RBFOX1: variants seen among roughly 807,000 people sequenced by gnomAD.
The protein encoded by RBFOX1 is RNA binding fox-1 homolog 1, also known as RNA binding protein fox-1 homolog 1.
RBFOX1 carries 8 observed loss-of-function variants against 57.7 expected under a neutral mutation model. The ratio of observed to expected loss-of-function variants is 0.14; its 90% confidence interval spans 0.08 to 0.25. The LOEUF is 0.25. RBFOX1 is among the 10% of genes least tolerant of loss of function. RBFOX1 has a pLI of 1.00. For synonymous variants in RBFOX1, 326 were observed against 222.4 expected (o/e 1.47, Z -4.15); for missense variants, 611 against 548.5 (o/e 1.11, Z -1.14).
chr16:5,746,991 T>A (rs1044956891), intron 3 of RBFOX1, among the ~76,000 whole-genome samples: 2 of 152,132 alleles, frequency 1.3e-5, no homozygotes, highest in Non-Finnish European at 2.9e-5. Flanking sequence ...ATAGGAGTGG[T>A]GAGAGAGGGC....
At chr16:6,271,859 C>G (rs1405555408) in intron 1 of RBFOX1, among the ~76,000 whole-genome samples, 1 of 152,108 alleles carries the variant, frequency 6.6e-6, no homozygotes, top group Non-Finnish European at 1.5e-5. Flanking sequence ...TTAGAGAATT[C>G]TACCAGATTT....
intron 4 of RBFOX1, among the ~76,000 whole-genome samples, chr16:7,435,459 CCT>C (rs2098714227): frequency 6.6e-6 from 1 of 152,102 alleles, no homozygotes; most frequent in Admixed American, 6.5e-5. Flanking sequence ...TCTCATTTTT[CCT>C]CTCTTTGCAT....
At chr16:7,044,700 AG>A (rs2047308593) in intron 3 of RBFOX1, among the ~76,000 whole-genome samples, 1 of 147,096 alleles carries the variant, frequency 6.8e-6, no homozygotes, top group South Asian at 2.1e-4. Context: ...CTGCCATGGG[AG>A]AAAAAAAATA....
At chr16:6,457,439 C>CCCCCCA (rs1555484719) in intron 2 of RBFOX1, among the ~76,000 whole-genome samples, 1 of 33,966 alleles carries the variant, frequency 2.9e-5, no homozygotes, top group East Asian at 2.0e-3. Context: ...TTCCGGAAGT[C>CCCCCCA]CCCCCCCCCG....
At chr16:7,025,287 G>A (rs751304357) in intron 3 of RBFOX1, among the ~76,000 whole-genome samples, 1 of 152,064 alleles carries the variant, frequency 6.6e-6, no homozygotes, top group Admixed American at 6.6e-5. Flanking sequence ...CTATCATGGC[G>A]CTCGTGAGTA....
At chr16:5,785,903 C>G (rs753905339) in intron 3 of RBFOX1, among the ~76,000 whole-genome samples, 15 of 152,172 alleles carry the variant, frequency 9.9e-5, no homozygotes, top group Non-Finnish European at 1.6e-4. Context: ...ATCACCTCAG[C>G]TGACATCACC....
rs567136478 is a variant in RBFOX1, at chr16:6,972,489, C to T, written c.-15-79568C>T. Among the ~76,000 whole-genome samples, 96 of 152,266 alleles carry T rather than the reference C, an allele frequency of 6.3e-4. 3 individuals carry two copies. In the Middle Eastern group the frequency reaches 0.017, roughly 27 times the overall value. On this transcript the variant is annotated intron_variant, in intron 3 of 15. Transcript: ENST00000550418. Reference sequence around the variant, plus strand: ...ACATTGTATTTATCCATTCATCTGTCAGTGGACATTTGGGTTGCCGCCACT... The same window carrying T: ...ACATTGTATTTATCCATTCATCTGTTAGTGGACATTTGGGTTGCCGCCACT...
intron 1 of RBFOX1, among the ~76,000 whole-genome samples, chr16:5,276,770 C>G (rs995862167): frequency 1.3e-5 from 2 of 152,066 alleles, no homozygotes; most frequent in African/African-American, 4.8e-5. Flanking sequence ...GACTTCATCT[C>G]AAAACAACAA....
chr16:6,706,669 G>A (rs1428326451), intron 3 of RBFOX1, among the ~76,000 whole-genome samples: 1 of 150,416 alleles, frequency 6.6e-6, no homozygotes, highest in Non-Finnish European at 1.5e-5. Flanking sequence ...CTTTTGAGAC[G>A]TCTTTAATTG....
At chr16:5,324,909 C>A (rs1317380395) in intron 1 of RBFOX1, among the ~76,000 whole-genome samples, 2 of 152,098 alleles carry the variant, frequency 1.3e-5, no homozygotes, top group African/African-American at 4.8e-5. Flanking sequence ...CCCATTTATC[C>A]CCAGTCTTTG....
Position 5,558,222 on chromosome 16 carries a change from C to T in RBFOX1, c.259-40680C>T, listed in dbSNP as rs75073336. 8.7e-3 allele frequency among the ~76,000 whole-genome samples: 1,318 copies of T among 152,218 alleles called. 26 individuals carry two copies. The highest frequency in any genetic ancestry group is 0.03 in the African/African-American group (1,237 of 41,526). The stretch of plus-strand genomic sequence containing the variant: ...AGCCCCCCTGCCCTTGTGATAAGGC[C>T]GAGGGTCTGTTGAGCTGATTAACAC... On this transcript the variant is annotated intron_variant, in intron 2 of 2. Coordinates refer to the RBFOX1 transcript ENST00000585867.
intron 3 of RBFOX1, among the ~76,000 whole-genome samples, chr16:5,735,104 T>C (rs974597519): frequency 2.0e-5 from 3 of 152,200 alleles, no homozygotes; most frequent in African/African-American, 7.2e-5. Flanking sequence ...TATCCAGCTT[T>C]CCTTAGTTAC....
chr16:7,372,442 A>G (rs2097584885), intron 4 of RBFOX1, among the ~76,000 whole-genome samples: 1 of 152,072 alleles, frequency 6.6e-6, no homozygotes, highest in Non-Finnish European at 1.5e-5. Context: ...TCTTTTATTT[A>G]TTTGTGCTGA....
intron 4 of RBFOX1, among the ~76,000 whole-genome samples, chr16:7,316,290 T>C (rs1170692449): frequency 1.3e-5 from 2 of 152,218 alleles, no homozygotes; most frequent in African/African-American, 4.8e-5. Context: ...AGTTACATGG[T>C]ACTATTGGAG....
chr16:7,191,011 C>A (rs1382185589), intron 4 of RBFOX1, among the ~76,000 whole-genome samples: 3 of 151,988 alleles, frequency 2.0e-5, no homozygotes, highest in Admixed American at 2.0e-4. Context: ...TGCCTGTCTC[C>A]CACCCCCACA....
intron 3 of RBFOX1, among the ~76,000 whole-genome samples, chr16:7,032,095 C>T (rs958599818): frequency 6.6e-6 from 1 of 152,088 alleles, no homozygotes; most frequent in Non-Finnish European, 1.5e-5. Context: ...GTAGTGTCCC[C>T]TCTTGAGAAT....
At position 5,628,001 on chromosome 16, in the gene RBFOX1, G is replaced by A. The variant is rs190255695; in HGVS notation, c.318+29040G>A. 1.5e-3 allele frequency among the ~76,000 whole-genome samples: 235 copies of A among 152,320 alleles called. 1 individual carries two copies. The highest frequency in any genetic ancestry group is 5.1e-3 in the African/African-American group (214 of 41,564). ...AGGCATTCTTATAGCCTTAGGTATT[G>A]TCAGGCCTCTTCTGCCATCAGAGAG... On this transcript the variant is annotated intron_variant, in intron 3 of 19. Transcript: ENST00000641259.
intron 3 of RBFOX1, among the ~76,000 whole-genome samples, chr16:5,806,758 T>C (rs562685546): frequency 6.6e-6 from 1 of 152,312 alleles, no homozygotes; most frequent in South Asian, 2.1e-4. Flanking sequence ...CGGGATAAGC[T>C]TCCCTAATTA....
At chr16:5,577,317 C>G (rs1224440406) in intron 2 of RBFOX1, among the ~76,000 whole-genome samples, 1 of 152,192 alleles carries the variant, frequency 6.6e-6, no homozygotes, top group Non-Finnish European at 1.5e-5. Context: ...TGGGATCAAG[C>G]TCTTCCTTCA....
Sources: allele counts gnomAD v4.1 joint callset (sites outside exome capture counted in the v4.1 genomes callset), GRCh38; gene constraint gnomAD v4.1.1; transcripts MANE v1.5; gene names NCBI Gene and HGNC (gene_info 2026-07-23, HGNC 2026-07-21).